FAM171A1: variants seen among roughly 807,000 people sequenced by gnomAD.
FAM171A1 encodes the protein family with sequence similarity 171 member A1.
In FAM171A1, 23 loss-of-function variants were observed where a neutral mutation model predicts 74.9. That is an observed-to-expected ratio of 0.31 (90% CI 0.22 to 0.44). The LOEUF is 0.44. Among genes scored for constraint, FAM171A1 ranks in the 20% least tolerant of loss-of-function variants. The probability of loss-of-function intolerance (pLI) is 1.00; values close to 1 mark genes in which losing one functional copy is unlikely to be tolerated. For synonymous variants in FAM171A1, 527 were observed against 505.7 expected (o/e 1.04, Z -0.57); for missense variants, 1,162 against 1,159.2 (o/e 1.00, Z -0.03).
At chr10:15,326,317 C>CT (rs200106956) in intron 1 of FAM171A1, among the ~76,000 whole-genome samples, 2,951 of 148,400 alleles carry the variant, frequency 0.02, 93 homozygotes, top group African/African-American at 0.068. Context: ...TCCCACAATT[C>CT]TTTTTTTTTT....
intron 5 of FAM171A1, chr10:15,241,811 GTTAGCAGGCT>G (rs1166523003): frequency 2.6e-5 from 4 of 152,022 alleles, no homozygotes; most frequent in Admixed American, 6.6e-5. Context: ...ATTAACAACA[GTTAGCAGGCT>G]TTGCATTAAG....
chr10:15,358,271 T>A (rs1487108346), intron 1 of FAM171A1, among the ~76,000 whole-genome samples: 1 of 152,166 alleles, frequency 6.6e-6, no homozygotes, highest in Non-Finnish European at 1.5e-5. Flanking sequence ...CCACTGTGCC[T>A]GTCTAGAAGC....
chr10:15,292,558 G>C (rs1453493833), intron 1 of FAM171A1, among the ~76,000 whole-genome samples: 1 of 152,124 alleles, frequency 6.6e-6, no homozygotes, highest in Non-Finnish European at 1.5e-5. Context: ...TTGGCTCACT[G>C]TAACTTCCCC....
At chr10:15,258,298 T>G (rs1316787593) in intron 3 of FAM171A1, among the ~76,000 whole-genome samples, 1 of 150,390 alleles carries the variant, frequency 6.6e-6, no homozygotes, top group Non-Finnish European at 1.5e-5. Flanking sequence ...TGACCTCAGG[T>G]GATCCGCCTG....
At chr10:15,269,302 A>G (rs559932548) in intron 3 of FAM171A1, among the ~76,000 whole-genome samples, 8 of 151,558 alleles carry the variant, frequency 5.3e-5, no homozygotes, top group East Asian at 1.9e-4. Flanking sequence ...TATTTTTAGT[A>G]GAGATGGAGT....
rs1445162363 is a variant in FAM171A1 at position 15,272,688 on chromosome 10, T to C, written c.418+3167A>G. On this transcript the variant is annotated intron_variant, in intron 3 of 7. Coordinates refer to ENST00000378116, the MANE Select transcript of FAM171A1 (RefSeq NM_001010924.2). ...GTAAAAGAACAGAAATTATAACAAATTGTCTCTCAGACCACAGTGCAATCA... is the reference window on the plus strand; with the variant it reads ...GTAAAAGAACAGAAATTATAACAAACTGTCTCTCAGACCACAGTGCAATCA... Among the ~76,000 whole-genome samples the C allele has an allele frequency of 3.3e-5, 5 of 152,048 alleles. No homozygotes were observed. The East Asian group carries it at 5.8e-4, about 18-fold the overall frequency.
At chr10:15,282,774 C>T (rs77202534) in intron 2 of FAM171A1, among the ~76,000 whole-genome samples, 40,247 of 151,918 alleles carry the variant, frequency 0.26, 5,506 homozygotes, top group Middle Eastern at 0.3. Context: ...TGCAGTGGCA[C>T]CATCTCAGCT....
intron 1 of FAM171A1, among the ~76,000 whole-genome samples, chr10:15,296,277 C>T (rs1479707727): frequency 6.6e-6 from 1 of 152,020 alleles, no homozygotes; most frequent in Non-Finnish European, 1.5e-5. Flanking sequence ...CCAATCATGT[C>T]ATCCAAGGAA....
At chr10:15,367,221 A>AACAAACAAACAC (rs1479501687) in intron 1 of FAM171A1, among the ~76,000 whole-genome samples, 9 of 151,138 alleles carry the variant, frequency 6.0e-5, no homozygotes, top group African/African-American at 2.2e-4. Flanking sequence ...CAAACAAACA[A>AACAAACAAACAC]ACACACACAC....
intron 5 of FAM171A1, among the ~76,000 whole-genome samples, chr10:15,222,173 T>A (rs1834047093): frequency 1.3e-5 from 2 of 152,070 alleles, no homozygotes; most frequent in South Asian, 4.2e-4. Flanking sequence ...AGCTCACCTC[T>A]CTCCTATAAT....
At chr10:15,288,813 C>CTTTTTTTTTTT (rs71505064) in intron 1 of FAM171A1, among the ~76,000 whole-genome samples, 6 of 73,688 alleles carry the variant, frequency 8.1e-5, no homozygotes, top group African/African-American at 1.4e-4. Context: ...TTCGGTAATT[C>CTTTTTTTTTTT]TTTTTTTTTT....
chr10:15,290,028 G>C (rs1835084563), intron 1 of FAM171A1, among the ~76,000 whole-genome samples: 1 of 152,180 alleles, frequency 6.6e-6, no homozygotes, highest in South Asian at 2.1e-4. Flanking sequence ...AGGAGTTTGA[G>C]ACCAGTGCGG....
At chr10:15,267,261 A>G (rs1424349520) in intron 3 of FAM171A1, among the ~76,000 whole-genome samples, 1 of 152,186 alleles carries the variant, frequency 6.6e-6, no homozygotes, top group East Asian at 1.9e-4. Flanking sequence ...AGAACCGATG[A>G]CTGTGACATC....
In FAM171A1 at chr10:15,213,083, C is replaced by G. The variant is rs748738500; in HGVS notation, c.2505G>C (p.Thr835=). Residue 835 remains threonine, a synonymous_variant, in exon 8 of 8, where the codon ACG becomes ACC. Transcript: ENST00000378116. This position sits in a 1 kb window ranked among gnomAD's most constrained non-coding sequence, Gnocchi z 6.8. ...GGQLPSLQEE[T]TRRTADAPSE... is the part of the protein sequence containing the mutation. ...AGGGGGCATCCGCAGTCCGTCTGGTCGTCTCCTCCTGCAGGCTGGGCAGCT... is the reference window on the plus strand; with the variant it reads ...AGGGGGCATCCGCAGTCCGTCTGGTGGTCTCCTCCTGCAGGCTGGGCAGCT... The G allele has an allele frequency of 6.2e-7, 1 of 1,613,480 alleles. No homozygotes were observed. The highest frequency in any genetic ancestry group is 8.5e-7 in the Non-Finnish European group (1 of 1,179,808).
intron 2 of FAM171A1, among the ~76,000 whole-genome samples, chr10:15,282,666 T>G (rs1834984383): frequency 6.6e-6 from 1 of 152,222 alleles, no homozygotes; most frequent in Non-Finnish European, 1.5e-5. Flanking sequence ...TTCCAGTGAC[T>G]TCTCAGCATG....
chr10:15,225,112 G>A (rs1269487887), intron 5 of FAM171A1, among the ~76,000 whole-genome samples: 1 of 152,230 alleles, frequency 6.6e-6, no homozygotes, highest in Non-Finnish European at 1.5e-5. Context: ...TGGCTAGCCT[G>A]TGGCCCTCAG....
intron 1 of FAM171A1, among the ~76,000 whole-genome samples, chr10:15,335,068 C>T (rs1417004318): frequency 2.0e-5 from 3 of 152,130 alleles, no homozygotes; most frequent in Non-Finnish European, 4.4e-5. Flanking sequence ...AGGGTGAAAC[C>T]CCATCTCTAC....
chr10:15,226,743 G>A (rs943530359), intron 5 of FAM171A1, among the ~76,000 whole-genome samples: 3 of 152,148 alleles, frequency 2.0e-5, no homozygotes, highest in African/African-American at 7.2e-5. Flanking sequence ...TAAGAATACA[G>A]AGGTGGGGAT....
intron 1 of FAM171A1, among the ~76,000 whole-genome samples, chr10:15,298,329 T>A (rs1835185198): frequency 6.6e-6 from 1 of 152,158 alleles, no homozygotes; most frequent in Non-Finnish European, 1.5e-5. Flanking sequence ...GGACAGGGTT[T>A]CACTGTGTTG....
Sources: gnomAD v4.1 joint callset for allele counts (sites outside exome capture counted in the v4.1 genomes callset) on GRCh38, gnomAD v4.1.1 for gene constraint, Gnocchi (gnomAD v3.1) non-coding constraint, MANE v1.5 for transcripts, NCBI Gene and HGNC (gene_info 2026-07-23, HGNC 2026-07-21) for gene names.